FBXW11: variants seen among roughly 807,000 people sequenced by gnomAD.
The protein encoded by FBXW11 is F-box/WD repeat-containing protein 11.
In FBXW11, 19 loss-of-function variants were observed where a neutral mutation model predicts 77.6. That is an observed-to-expected ratio of 0.24 (90% CI 0.17 to 0.36). The LOEUF (loss-of-function observed/expected upper bound fraction) is 0.36, where lower values mean the gene tolerates loss of function less well. FBXW11 is among the 10% of genes least tolerant of loss of function. The pLI is 1.00. For synonymous variants in FBXW11, 235 were observed against 249.4 expected (o/e 0.94, Z 0.54); for missense variants, 334 against 704.2 (o/e 0.47, Z 5.95).
At chr5:171,935,909 G>A (rs887140959) in intron 2 of FBXW11, among the ~76,000 whole-genome samples, 2 of 151,716 alleles carry the variant, frequency 1.3e-5, no homozygotes, top group Admixed American at 6.6e-5. Flanking sequence ...TCAGGAGTTC[G>A]AGACAAGCCT....
intron 1 of FBXW11, among the ~76,000 whole-genome samples, chr5:171,975,205 A>G (rs1764760953): frequency 6.6e-6 from 1 of 152,246 alleles, no homozygotes; most frequent in Non-Finnish European, 1.5e-5. Context: ...AATAGCTGTG[A>G]AATTACTAAA....
chr5:171,941,677 TATACTA>T (rs1181717353), intron 2 of FBXW11, among the ~76,000 whole-genome samples: 2 of 151,878 alleles, frequency 1.3e-5, no homozygotes, highest in African/African-American at 4.8e-5. Context: ...TTCTGTGTGT[TATACTA>T]ATAACTTTTC....
intron 1 of FBXW11, among the ~76,000 whole-genome samples, chr5:171,979,412 T>C (rs188333494): frequency 1.8e-4 from 28 of 152,334 alleles, no homozygotes; most frequent in African/African-American, 6.5e-4. Context: ...ATATTAATAG[T>C]AGTTATAATG....
rs527935265 is a variant in FBXW11 at position 171,878,004 on chromosome 5, C to G, written c.971+7G>C. ...CAAGTTAAGAACAATGAAGCCAGAT[C>G]ACTCACCTCACCGTAGAATCTGAAG... is the stretch of plus-strand genomic sequence containing the variant. On this transcript the variant is annotated splice_region_variant and intron_variant, in intron 8 of 13. Coordinates refer to ENST00000517395, the MANE Select transcript of FBXW11 (RefSeq NM_001378974.1). The G allele has an allele frequency of 6.5e-5, 104 of 1,597,516 alleles. No homozygotes were observed. The South Asian group carries it at 1.1e-3, about 17-fold the overall frequency.
At chr5:171,868,276 AAAG>A (rs563229940) in intron 13 of FBXW11, 174 of 158,214 alleles carry the variant, frequency 1.1e-3, no homozygotes, top group African/African-American at 4.1e-3. Context: ...AGAAAGAGAA[AAAG>A]AAGATTCTTG....
chr5:171,924,502 C>A (rs1201080656), intron 2 of FBXW11, among the ~76,000 whole-genome samples: 2 of 152,116 alleles, frequency 1.3e-5, no homozygotes, highest in East Asian at 3.9e-4. Flanking sequence ...TGTTTTGTCG[C>A]TCAATAAAAC....
intron 8 of FBXW11, among the ~76,000 whole-genome samples, chr5:171,877,581 A>G (rs1460350369): frequency 1.3e-5 from 2 of 152,136 alleles, no homozygotes; most frequent in Non-Finnish European, 2.9e-5. Flanking sequence ...AGGCTGAGAC[A>G]TGATCTCTGG....
At chr5:171,873,051 C>A (rs746928317) in intron 9 of FBXW11, 61 bp from the exon 10 acceptor site, 6 of 1,340,660 alleles carry the variant, frequency 4.5e-6, no homozygotes, top group Non-Finnish European at 6.3e-6. Context: ...TCACAATATA[C>A]CTTTCTTAAA....
intron 6 of FBXW11, among the ~76,000 whole-genome samples, chr5:171,894,891 A>T (rs1759638950): frequency 6.6e-6 from 1 of 152,160 alleles, no homozygotes; most frequent in South Asian, 2.1e-4. Context: ...GGTGCCAGCA[A>T]ATGGTAGCAG....
At chr5:171,866,858 C>T (rs150784315) in intron 13 of FBXW11, among the ~76,000 whole-genome samples, 49 of 152,206 alleles carry the variant, frequency 3.2e-4, no homozygotes, top group African/African-American at 1.1e-3. Flanking sequence ...AATTCTGCCA[C>T]GTGGATTTTT....
At chr5:171,987,755 G>T (rs968527408) in intron 1 of FBXW11, among the ~76,000 whole-genome samples, 47 of 151,976 alleles carry the variant, frequency 3.1e-4, no homozygotes, top group African/African-American at 1.1e-3. Context: ...GCCCGGCCAA[G>T]GGTAAGTTTT....
chr5:171,984,628 A>C (rs1201881795), intron 1 of FBXW11, among the ~76,000 whole-genome samples: 1 of 152,234 alleles, frequency 6.6e-6, no homozygotes, highest in Non-Finnish European at 1.5e-5. Flanking sequence ...TGTGGGGGAA[A>C]GGACCTTATG....
chr5:171,965,102 T>G (rs750226998), intron 1 of FBXW11, among the ~76,000 whole-genome samples: 14 of 152,224 alleles, frequency 9.2e-5, no homozygotes, highest in Non-Finnish European at 1.8e-4. Context: ...GCCAAGTTTT[T>G]AGATTCAAGA....
At chr5:171,875,633 T>C (rs189810672) in intron 9 of FBXW11, among the ~76,000 whole-genome samples, 1 of 152,108 alleles carries the variant, frequency 6.6e-6, no homozygotes, top group Non-Finnish European at 1.5e-5. Context: ...TATAAAAGCA[T>C]AGGAAAGCTA....
At chr5:171,950,975 A>G (rs1763282584) in intron 2 of FBXW11, among the ~76,000 whole-genome samples, 1 of 152,134 alleles carries the variant, frequency 6.6e-6, no homozygotes, top group Non-Finnish European at 1.5e-5. Context: ...ATGAACAAAG[A>G]AAACAAATAT....
intron 9 of FBXW11, among the ~76,000 whole-genome samples, chr5:171,873,830 C>T (rs1391669102): frequency 1.3e-5 from 2 of 152,168 alleles, no homozygotes; most frequent in African/African-American, 4.8e-5. Flanking sequence ...TAAGGAGACA[C>T]ACAGCAACCA....
chr5:171,982,294 A>C (rs1017361903), intron 1 of FBXW11, among the ~76,000 whole-genome samples: 2 of 151,924 alleles, frequency 1.3e-5, no homozygotes, highest in Non-Finnish European at 2.9e-5. Flanking sequence ...TTTGAGACAG[A>C]GTTTTGCTCT....
intron 6 of FBXW11, among the ~76,000 whole-genome samples, chr5:171,898,282 A>G (rs1427396838): frequency 6.6e-6 from 1 of 152,210 alleles, no homozygotes; most frequent in Non-Finnish European, 1.5e-5. Context: ...TGCATTGCCT[A>G]GCAAAGGCTA....
intron 2 of FBXW11, among the ~76,000 whole-genome samples, chr5:171,946,085 A>G (rs1762993682): frequency 6.6e-6 from 1 of 152,192 alleles, no homozygotes; most frequent in African/African-American, 2.4e-5. Context: ...TCATCCAGTC[A>G]ATTGAAGGCC....
Sources: allele counts gnomAD v4.1 joint callset (sites outside exome capture counted in the v4.1 genomes callset), GRCh38; gene constraint gnomAD v4.1.1; transcripts MANE v1.5; gene names NCBI Gene and HGNC (gene_info 2026-07-23, HGNC 2026-07-21).